The following IL2RA variants were observed in gnomAD, a reference collection of about 807,000 sequenced individuals.
IL2RA encodes interleukin-2 receptor subunit alpha.
In IL2RA, 24 loss-of-function variants were observed where a neutral mutation model predicts 37.8. The ratio of observed to expected loss-of-function variants is 0.63; its 90% CI spans 0.46 to 0.89. IL2RA has a LOEUF of 0.89. Ranked by LOEUF, IL2RA falls within the 40% of genes least tolerant of loss-of-function variation. IL2RA has a pLI of 0.00. For synonymous variants in IL2RA, 125 were observed against 114.6 expected (o/e 1.09, Z -0.58); for missense variants, 319 against 348.6 (o/e 0.92, Z 0.68).
At chr10:6,039,166 G>C (rs935986488) in intron 1 of IL2RA, among the ~76,000 whole-genome samples, 2 of 152,188 alleles carry the variant, frequency 1.3e-5, no homozygotes, top group East Asian at 1.9e-4. Context: ...ATTAACATCA[G>C]ACTTCAAGGC....
rs1434360916 is a variant in IL2RA, at chr10:6,035,874, C to CT, written c.65-9850dup. 6.6e-6 allele frequency: 1 copy of CT among 152,296 alleles called. No homozygotes were observed. 9.4% of individuals were successfully genotyped at this position (152,296 alleles called of 1,614,324 possible). On this transcript the variant is annotated intron_variant, in intron 1 of 7. Coordinates refer to ENST00000379959, the MANE Select transcript of IL2RA (RefSeq NM_000417.3). The surrounding 1 kb of genome is among the most constrained non-coding windows in gnomAD (Gnocchi z 5.4). ...TGTTCCTCGTCCTTTTCCACCTCAC[C>CT]TCCATCATTGTGGCTGAAATACACG... is the stretch of plus-strand genomic sequence containing the variant.
rs2132858405 is a variant in IL2RA at position 6,025,223 on chromosome 10, G to A, written c.256+611C>T. Among the ~76,000 whole-genome samples, 1 of 152,006 alleles carries A rather than the reference G, an allele frequency of 6.6e-6. No homozygotes were observed. The highest frequency in any genetic ancestry group is 2.1e-4 in the South Asian group (1 of 4,806). On this transcript the variant is annotated intron_variant, in intron 2 of 7. Transcript: ENST00000379959. This position sits in a 1 kb window ranked among gnomAD's most constrained non-coding sequence, Gnocchi z 4.4. ...AAAAAAATTAGCCAGGCATGGTGGT[G>A]CACACCTGTAGTCCCAGCTACTTGG...
chr10:6,025,791 C>T lies in IL2RA; in HGVS notation c.256+43G>A, dbSNP rs1266699985. The T allele has an allele frequency of 6.3e-7, 1 of 1,586,122 alleles. No individual in the cohort carries two copies. The highest frequency in any genetic ancestry group is 1.3e-5 in the African/African-American group (1 of 74,348). ...AAGCTGGGCTCTGTCTCACTCTTTG[C>T]TGCAGTTCTTTTGTTCTTGGTAGTC... On this transcript the variant is annotated intron_variant, in intron 2 of 7. Coordinates refer to ENST00000379959, the MANE Select transcript of IL2RA (RefSeq NM_000417.3). This position sits in a 1 kb window ranked among gnomAD's most constrained non-coding sequence, Gnocchi z 4.4.
Position 6,058,323 on chromosome 10 carries a change from T to C in IL2RA, c.64+3765A>G, listed in dbSNP as rs529635964. On this transcript the variant is annotated intron_variant, in intron 1 of 7. Coordinates refer to ENST00000379959, the MANE Select transcript of IL2RA (RefSeq NM_000417.3). This position sits in a 1 kb window ranked among gnomAD's most constrained non-coding sequence, Gnocchi z 4.2. ...ATTCTTTTGGTGCAGAATTGTGAAG[T>C]CAATTTTTTTCTTTTTCAATTCTCA... Among the ~76,000 whole-genome samples the C allele has an allele frequency of 6.6e-6, 1 of 152,248 alleles. No individual in the cohort carries two copies. Among genetic ancestry groups the C allele is most frequent in the South Asian group, 2.1e-4 (1 of 4,814 alleles).
chr10:6,019,348 T>G, intron 6 of IL2RA, 80 bp downstream of exon 6: 1 of 1,094,480 alleles, frequency 9.1e-7, no homozygotes, highest in South Asian at 1.2e-5. Flanking sequence ...GCCAACCAAC[T>G]AACCAACCTA....
At chr10:6,053,032 T>G (rs1421981184) in intron 1 of IL2RA, among the ~76,000 whole-genome samples, 1 of 152,218 alleles carries the variant, frequency 6.6e-6, no homozygotes, top group Non-Finnish European at 1.5e-5. Flanking sequence ...CACGCGGCTC[T>G]GTGGGTACCG....
chr10:6,053,703 C>T lies in IL2RA; in HGVS notation c.64+8385G>A, dbSNP rs951604053. Reference sequence around the variant, plus strand: ...AGAGGTGGGGTCTCACTATGTTGCCCAGGCTGGTCTCAAACTCCTGGGCTC... The same window carrying T: ...AGAGGTGGGGTCTCACTATGTTGCCTAGGCTGGTCTCAAACTCCTGGGCTC... On this transcript the variant is annotated intron_variant, in intron 1 of 7. Coordinates refer to ENST00000379959, the MANE Select transcript of IL2RA (RefSeq NM_000417.3). 3.5e-4 allele frequency among the ~76,000 whole-genome samples: 54 copies of T among 152,170 alleles called. 1 individual carries two copies. The highest frequency in any genetic ancestry group is 3.4e-3 in the Admixed American group (52 of 15,282).
chr10:6,037,461 T>G (rs1839706232), intron 1 of IL2RA, among the ~76,000 whole-genome samples: 1 of 152,190 alleles, frequency 6.6e-6, no homozygotes, highest in Non-Finnish European at 1.5e-5. Flanking sequence ...CCCTCTTCTC[T>G]TTCCTGTCCA....
In IL2RA at chr10:6,025,903, G is replaced by A; in HGVS notation, c.187C>T (p.Leu63Phe). Reference protein sequence around the residue: ...RGFRRIKSGSLYMLCTGNSSH... With the variant: ...RGFRRIKSGSFYMLCTGNSSH... ...GAGTTTCCTGTACAGAGCATATAGA[G>A]TGACCCGCTTTTTATTCTGCGGAAA... Residue 63 changes from leucine to phenylalanine, a missense_variant, in exon 2 of 8, where the codon CTC (leucine) becomes TTC (phenylalanine). Physicochemically the swap from Leu to Phe is conservative, Grantham distance 22. Coordinates refer to ENST00000379959, the MANE Select transcript of IL2RA (RefSeq NM_000417.3). This position sits in a 1 kb window ranked among gnomAD's most constrained non-coding sequence, Gnocchi z 4.4. 1 of 1,614,210 alleles carries A rather than the reference G, an allele frequency of 6.2e-7. No homozygotes were observed. Among genetic ancestry groups the A allele is most frequent in the Non-Finnish European group, 8.5e-7 (1 of 1,180,036 alleles).
At chr10:6,019,318 A>T (rs1839338634) in intron 6 of IL2RA, 110 bp downstream of exon 6, 3 of 841,536 alleles carry the variant, frequency 3.6e-6, no homozygotes, top group Non-Finnish European at 6.3e-6. Flanking sequence ...CTACCAGTCA[A>T]CCAACTAACC....
In IL2RA at chr10:6,036,855, A is replaced by G. The variant is rs1839691657; in HGVS notation, c.65-10830T>C. On this transcript the variant is annotated intron_variant, in intron 1 of 7. Transcript: ENST00000379959. The surrounding 1 kb of genome is among the most constrained non-coding windows in gnomAD (Gnocchi z 6.1). The stretch of plus-strand genomic sequence containing the variant: ...CCCGGTTGGCTGCTCTAGAGCCGGC[A>G]GGACGGATGCTGAGGTTGTTCGCAG... Among the ~76,000 whole-genome samples, 1 of 152,218 alleles carries G rather than the reference A, an allele frequency of 6.6e-6. No homozygotes were observed.
intron 1 of IL2RA, among the ~76,000 whole-genome samples, chr10:6,043,989 G>C (rs939240464): frequency 6.6e-6 from 1 of 152,182 alleles, no homozygotes; most frequent in South Asian, 2.1e-4. Context: ...CCTTCTGTCT[G>C]TGGATGTGGA....
chr10:6,024,159 C>A, intron 3 of IL2RA, 85 bp downstream of exon 3: 1 of 886,442 alleles, frequency 1.1e-6, no homozygotes, highest in Non-Finnish European at 1.9e-6. Context: ...GCAGGGCAGA[C>A]CTTCTTCCTT....
rs918997587 is a variant in IL2RA, at chr10:6,046,269, T to C, written c.64+15819A>G. Among the ~76,000 whole-genome samples the C allele has an allele frequency of 3.9e-5, 6 of 152,214 alleles. No individual in the cohort carries two copies. Among genetic ancestry groups the C allele is most frequent in the African/African-American group, 1.4e-4 (6 of 41,530 alleles). Reference sequence around the variant, plus strand: ...ATGTGGAAACACAGGGAGAAAACCATGGGAAGTGGGGAGCACTGATTGAGG... The same window carrying C: ...ATGTGGAAACACAGGGAGAAAACCACGGGAAGTGGGGAGCACTGATTGAGG... On this transcript the variant is annotated intron_variant, in intron 1 of 7. Transcript: ENST00000379959. The surrounding 1 kb of genome is among the most constrained non-coding windows in gnomAD (Gnocchi z 4.8).
At chr10:6,039,328 C>T (rs1278951238) in intron 1 of IL2RA, 1 of 152,204 alleles carries the variant, frequency 6.6e-6, no homozygotes, top group Non-Finnish European at 1.5e-5. Flanking sequence ...TTACGTACTT[C>T]TATGCACCCA....
intron 1 of IL2RA, among the ~76,000 whole-genome samples, chr10:6,038,100 A>G (rs1839719202): frequency 6.6e-6 from 1 of 152,210 alleles, no homozygotes; most frequent in Non-Finnish European, 1.5e-5. Flanking sequence ...CATTTTATAG[A>G]TAAGAACACT....
chr10:6,060,018 A>G (rs1840100202), intron 1 of IL2RA, among the ~76,000 whole-genome samples: 1 of 152,124 alleles, frequency 6.6e-6, no homozygotes, highest in African/African-American at 2.4e-5. Flanking sequence ...ATGGGACTCT[A>G]GTTCCCCTGC....
At chr10:6,049,558 T>G (rs1839915102) in intron 1 of IL2RA, among the ~76,000 whole-genome samples, 1 of 152,198 alleles carries the variant, frequency 6.6e-6, no homozygotes, top group South Asian at 2.1e-4. Flanking sequence ...CCTTCTTAAC[T>G]CCTGCTTTCC....
intron 1 of IL2RA, among the ~76,000 whole-genome samples, chr10:6,043,435 T>C (rs1011215075): frequency 5.9e-5 from 9 of 151,922 alleles, no homozygotes; most frequent in Non-Finnish European, 8.8e-5. Flanking sequence ...TGTTTTTGTT[T>C]GTGTTTGTTT....
Sources: allele counts gnomAD v4.1 joint callset (sites outside exome capture counted in the v4.1 genomes callset), GRCh38; gene constraint gnomAD v4.1.1; non-coding constraint Gnocchi (gnomAD v3.1); transcripts MANE v1.5; gene names NCBI Gene and HGNC (gene_info 2026-07-23, HGNC 2026-07-21).